GPAT4: variants seen among roughly 807,000 people sequenced by gnomAD.
GPAT4 encodes the protein glycerol-3-phosphate acyltransferase 4.
In GPAT4, 17 loss-of-function variants were observed where a neutral mutation model predicts 58.0. That is an observed-to-expected ratio of 0.29 (90% CI 0.20 to 0.44). The LOEUF (loss-of-function observed/expected upper bound fraction) is 0.44, where lower values mean the gene tolerates loss of function less well. Among genes scored for constraint, GPAT4 ranks in the 20% least tolerant of loss-of-function variants. The pLI, the probability that GPAT4 is intolerant of heterozygous loss-of-function variation, is 1.00. For missense variants in GPAT4, 377 were observed against 574.5 expected, an observed-to-expected ratio of 0.66 and a Z score of 3.51; for synonymous variants, 204 against 210.1, an observed-to-expected ratio of 0.97 and a Z score of 0.25.
Position 41,581,993 on chromosome 8 carries a change from A to ATTTTT in GPAT4, c.-849+3743_-849+3747dup, listed in dbSNP as rs71230849. On this transcript the variant is annotated intron_variant, in intron 1 of 12. Coordinates refer to ENST00000396987, the MANE Select transcript of GPAT4 (RefSeq NM_178819.4). ...AGCTTAAATCAAGGGAAGTTCAATG[A>ATTTTT]TTTTTTTTTTTTTTTTTTTTTTTTT... 4.2e-3 allele frequency among the ~76,000 whole-genome samples: 268 copies of ATTTTT among 63,596 alleles called. 32 individuals are homozygous for ATTTTT. The highest frequency in any genetic ancestry group is 0.016 in the Middle Eastern group (1 of 64). The allele number at this position is 63,596 out of a possible 152,430, so 41.7% of individuals were successfully genotyped here.
At chr8:41,612,730 A>C in intron 7 of GPAT4, 115 bp from the exon 8 acceptor site, 1 of 856,142 alleles carries the variant, frequency 1.2e-6, no homozygotes, top group Middle Eastern at 2.3e-4. Flanking sequence ...TTCAGCCGGC[A>C]AGCGTTAGAA....
chr8:41,609,664 C>G lies in GPAT4; in HGVS notation c.245C>G (p.Ala82Gly). The stretch of plus-strand genomic sequence containing the variant: ...ACACATTCTTTTGCAGGAATCATTG[C>G]AAAGGATCCCACTTCACTAGAAGAA... ...LYKPYTNGII[A>G]KDPTSLEEEI... The change falls in exon 4 of 13, where the codon GCA becomes GGA. Residue 82 changes from alanine to glycine, a missense_variant. Coordinates refer to ENST00000396987, the MANE Select transcript of GPAT4 (RefSeq NM_178819.4). 1 of 1,611,466 alleles carries G rather than the reference C, an allele frequency of 6.2e-7. No homozygotes were observed. Among genetic ancestry groups the G allele is most frequent in the Non-Finnish European group, 8.5e-7 (1 of 1,178,284 alleles).
chr8:41,608,921 A>G (rs756658533), intron 2 of GPAT4, among the ~76,000 whole-genome samples: 12 of 152,184 alleles, frequency 7.9e-5, no homozygotes, highest in Middle Eastern at 3.2e-3. Context: ...TCCCATTAAA[A>G]TGTTACTCCT....
In GPAT4 at chr8:41,579,858, A is replaced by G. The variant is rs149262102; in HGVS notation, c.-849+1580A>G. 3.0e-4 allele frequency among the ~76,000 whole-genome samples: 45 copies of G among 152,260 alleles called. No homozygotes were observed. The East Asian group carries it at 8.3e-3, about 28-fold the overall frequency. ...TGTCAAAAAAAAAAAGAAAAGAAAA[A>G]AAGTGTTTCAGATCTGGATGAGAAC... On this transcript the variant is annotated intron_variant, in intron 1 of 12. Coordinates refer to ENST00000396987, the MANE Select transcript of GPAT4 (RefSeq NM_178819.4).
In GPAT4 at chr8:41,582,479, CT is replaced by C. The variant is rs1802545457; in HGVS notation, c.-849+4204del. The stretch of plus-strand genomic sequence containing the variant: ...CACACACACACACACACACACACAT[CT>C]TTCTTTCTTTCTTTGCCAGTTGAAG... On this transcript the variant is annotated intron_variant, in intron 1 of 12. Coordinates refer to ENST00000396987, the MANE Select transcript of GPAT4 (RefSeq NM_178819.4). Among the ~76,000 whole-genome samples the C allele has an allele frequency of 3.9e-5, 3 of 77,710 alleles. No homozygotes were observed. In the South Asian group the frequency reaches 1.2e-3, roughly 31 times the overall value. 51.0% of individuals were successfully genotyped at this position (77,710 alleles called of 152,430 possible).
In GPAT4 at chr8:41,620,890, C is replaced by T; in HGVS notation, c.1263-3C>T. 1.0e-5 allele frequency: 16 copies of T among 1,550,576 alleles called. No homozygotes were observed. Among genetic ancestry groups the T allele is most frequent in the Non-Finnish European group, 1.3e-5 (15 of 1,147,014 alleles). On this transcript the variant is annotated splice_polypyrimidine_tract_variant and splice_region_variant and intron_variant, in intron 12 of 12. Transcript: ENST00000396987. ...TTACTACATCCAGCCTTTGTCTCTC[C>T]AGGGATGGGGGCCTGAAGAGGGAGA...
At chr8:41,603,733 C>G (rs768010547) in intron 2 of GPAT4, among the ~76,000 whole-genome samples, 5 of 151,958 alleles carry the variant, frequency 3.3e-5, no homozygotes, top group Non-Finnish European at 5.9e-5. Flanking sequence ...CTATCTGGCC[C>G]GTCTCTCAGG....
chr8:41,595,896 G>C (rs541143321), intron 1 of GPAT4, among the ~76,000 whole-genome samples: 37 of 151,876 alleles, frequency 2.4e-4, no homozygotes, highest in Non-Finnish European at 3.2e-4. Context: ...TTATGCTGCT[G>C]TTCTCTCAAC....
At position 41,623,549 on chromosome 8, in the gene GPAT4, A is replaced by G. The variant is rs778844717; in HGVS notation, c.*2548A>G. The G allele has an allele frequency of 2.6e-5, 4 of 152,244 alleles. No individual in the cohort carries two copies. The highest frequency in any genetic ancestry group is 7.2e-5 in the African/African-American group (3 of 41,464). The allele number at this position is 152,244 out of a possible 1,614,324, so 9.4% of individuals were successfully genotyped here. A position where few individuals can be genotyped will look rare whatever the true frequency, so the allele number is the denominator to read the frequency against. ...ACTAGGGACTTGGCTAGATGACCTC[A>G]GAGACCTCGTCCACCTCTGAATTCT... On this transcript the variant is annotated 3_prime_UTR_variant, in exon 13 of 13. Coordinates refer to ENST00000396987, the MANE Select transcript of GPAT4 (RefSeq NM_178819.4).
intron 2 of GPAT4, among the ~76,000 whole-genome samples, chr8:41,602,969 T>G (rs1803145913): frequency 6.6e-6 from 1 of 152,132 alleles, no homozygotes; most frequent in African/African-American, 2.4e-5. Flanking sequence ...TGCTTCACCT[T>G]CATGACCTTA....
chr8:41,614,462 A>G, intron 9 of GPAT4, 21 bp downstream of exon 9: 1 of 1,613,360 alleles, frequency 6.2e-7, no homozygotes, highest in Non-Finnish European at 8.5e-7. Context: ...GTTGGTTGCC[A>G]CGAAGGGCTT....
intron 2 of GPAT4, among the ~76,000 whole-genome samples, chr8:41,605,253 T>C (rs963152501): frequency 1.6e-4 from 25 of 152,326 alleles, no homozygotes; most frequent in African/African-American, 5.3e-4. Flanking sequence ...GAAAGACATA[T>C]GCATCTATAA....
chr8:41,612,649 G>GTATT (rs1347008193), intron 7 of GPAT4, 196 bp from the exon 8 acceptor site: 2 of 581,724 alleles, frequency 3.4e-6, no homozygotes, highest in African/African-American at 3.7e-5. Flanking sequence ...CCTATTTCTA[G>GTATT]TATTACTGAT....
intron 2 of GPAT4, among the ~76,000 whole-genome samples, chr8:41,607,675 C>G (rs760212793): frequency 6.6e-6 from 1 of 151,972 alleles, no homozygotes; most frequent in Non-Finnish European, 1.5e-5. Flanking sequence ...ACTACAGGCA[C>G]ACATCACTAT....
chr8:41,618,938 C>G lies in GPAT4; in HGVS notation c.1223C>G (p.Ser408Cys). ...DAVQFANRVKSAIARQGGLVD... is the reference protein window; with the variant it reads ...DAVQFANRVKCAIARQGGLVD... ...GTCCAGTTTGCGAATAGGGTGAAAT[C>G]TGCCATTGCCAGGCAGGGAGGACTT... Residue 408 changes from serine (S) to cysteine (C), a missense_variant, in exon 12 of 13, where the codon TCT (serine) becomes TGT (cysteine). Ser to Cys is a moderately radical substitution (Grantham distance 112, BLOSUM62 -1). Transcript: ENST00000396987. 1 of 1,614,232 alleles carries G rather than the reference C, an allele frequency of 6.2e-7. No homozygotes were observed. Among genetic ancestry groups the G allele is most frequent in the Non-Finnish European group, 8.5e-7 (1 of 1,180,038 alleles).
intron 2 of GPAT4, among the ~76,000 whole-genome samples, chr8:41,603,204 A>G (rs1406951874): frequency 3.3e-5 from 5 of 152,192 alleles, no homozygotes; most frequent in Non-Finnish European, 5.9e-5. Context: ...CTGTCAGTGC[A>G]TTTAAATCGC....
At chr8:41,618,133 T>G (rs147531906) in intron 10 of GPAT4, among the ~76,000 whole-genome samples, 1,824 of 152,304 alleles carry the variant, frequency 0.012, 24 homozygotes, top group Non-Finnish European at 0.017. Flanking sequence ...CGACTGACTT[T>G]GTTGGAAGTG....
chr8:41,599,479 G>A (rs982465883), intron 2 of GPAT4, among the ~76,000 whole-genome samples, 175 bp downstream of exon 2: 1 of 152,210 alleles, frequency 6.6e-6, no homozygotes, highest in Non-Finnish European at 1.5e-5. Context: ...AAAGGTACTT[G>A]TGTGTTTGAT....
At chr8:41,607,415 ATTTTGCACATTGAAACAATCC>A (rs1171416106) in intron 2 of GPAT4, among the ~76,000 whole-genome samples, 5 of 152,182 alleles carry the variant, frequency 3.3e-5, no homozygotes, top group Admixed American at 6.5e-5. Flanking sequence ...GGCGTCTTGA[ATTTTGCACATTGAAACAATCC>A]TCAGACTGAA....
Sources: gnomAD v4.1 joint callset for allele counts (sites outside exome capture counted in the v4.1 genomes callset) on GRCh38, gnomAD v4.1.1 for gene constraint, MANE v1.5 for transcripts, NCBI Gene and HGNC (gene_info 2026-07-23, HGNC 2026-07-21) for gene names.